The following DDX19B variants were observed in gnomAD, a reference collection of about 807,000 sequenced individuals.
DDX19B encodes ATP-dependent RNA helicase DDX19B.
DDX19B carries 27 observed loss-of-function variants against 58.1 expected under a neutral mutation model. That is an observed-to-expected ratio of 0.46 (90% CI 0.34 to 0.64). The LOEUF is 0.64. Among genes scored for constraint, DDX19B ranks in the 30% least tolerant of loss-of-function variants. The pLI is 0.01. For missense variants in DDX19B, 399 were observed against 596.5 expected (o/e 0.67, Z 3.45); for synonymous variants, 187 against 214.4 (o/e 0.87, Z 1.12).
At chr16:70,321,241 C>T (rs887139424) in intron 5 of DDX19B, among the ~76,000 whole-genome samples, 81 of 152,242 alleles carry the variant, frequency 5.3e-4, no homozygotes, top group African/African-American at 1.8e-3. Flanking sequence ...GGATCACAGG[C>T]GTGAGCCACT....
In DDX19B at chr16:70,333,608, G is replaced by A; in HGVS notation, c.*26G>A. The A allele has an allele frequency of 6.2e-7, 1 of 1,614,010 alleles. No individual in the cohort carries two copies. Among genetic ancestry groups the A allele is most frequent in the Non-Finnish European group, 8.5e-7 (1 of 1,179,844 alleles). On this transcript the variant is annotated 3_prime_UTR_variant, in exon 12 of 12. Transcript: ENST00000288071. ...GAAGCTCCACCAGCCACTGATGCCA[G>A]CCCTGGCACTGCCCCTGCACAGGAG...
In DDX19B at chr16:70,306,558, T is replaced by C. The variant is rs189425656; in HGVS notation, c.58-6051T>C. On this transcript the variant is annotated intron_variant, in intron 1 of 11. Coordinates refer to ENST00000288071, the MANE Select transcript of DDX19B (RefSeq NM_007242.7). ...TTCTTTTTGGCTTGAGTTTGCATCATAGAGTTATCTTTTGGATAGAACAGA... is the reference window on the plus strand; with the variant it reads ...TTCTTTTTGGCTTGAGTTTGCATCACAGAGTTATCTTTTGGATAGAACAGA... Among the ~76,000 whole-genome samples, 14 of 152,326 alleles carry C rather than the reference T, an allele frequency of 9.2e-5. No homozygotes were observed. In the East Asian group the frequency reaches 2.7e-3, roughly 29 times the overall value.
chr16:70,290,509 G>A (rs903709986), upstream of DDX19B, among the ~76,000 whole-genome samples: 1 of 151,876 alleles, frequency 6.6e-6, no homozygotes, highest in Non-Finnish European at 1.5e-5. Flanking sequence ...CCTGGCTACG[G>A]AGCAAGACTC....
intron 1 of DDX19B, among the ~76,000 whole-genome samples, chr16:70,311,519 G>A (rs1035268515): frequency 2.0e-5 from 3 of 152,198 alleles, no homozygotes; most frequent in African/African-American, 7.2e-5. Context: ...AGTAGAAAAC[G>A]AAATAGGCCC....
rs184068621 is a variant in DDX19B, at chr16:70,299,396, T to C, written c.57+42T>C. The C allele has an allele frequency of 5.3e-5, 82 of 1,556,966 alleles. No individual in the cohort carries two copies. The East Asian group carries it at 1.4e-3, about 26-fold the overall frequency. Reference sequence around the variant, plus strand: ...CCTAAAAGGGTCAGGGGACTAGTTCTGGTCGGAGACTTGGTCCCTGGGAAA... The same window carrying C: ...CCTAAAAGGGTCAGGGGACTAGTTCCGGTCGGAGACTTGGTCCCTGGGAAA... On this transcript the variant is annotated intron_variant, in intron 1 of 11. Coordinates refer to ENST00000288071, the MANE Select transcript of DDX19B (RefSeq NM_007242.7).
intron 1 of DDX19B, among the ~76,000 whole-genome samples, chr16:70,303,457 T>A (rs1567623117): frequency 6.6e-6 from 1 of 152,108 alleles, no homozygotes; most frequent in Non-Finnish European, 1.5e-5. Flanking sequence ...ATCGGATATG[T>A]TTTGCATATA....
chr16:70,294,948 C>T, upstream of DDX19B: 2 of 1,477,068 alleles, frequency 1.4e-6, no homozygotes, highest in South Asian at 1.3e-5. Flanking sequence ...AAGCCAGACC[C>T]TTTCCTCCCA....
upstream of DDX19B, among the ~76,000 whole-genome samples, chr16:70,291,064 AC>A (rs1272890324): frequency 6.6e-6 from 1 of 152,244 alleles, no homozygotes; most frequent in Non-Finnish European, 1.5e-5. Context: ...GCCAGTAAAA[AC>A]ATAAATCATT....
At position 70,334,765 on chromosome 16, in the gene DDX19B, TAGTC is replaced by T. The variant is rs1406492210; in HGVS notation, c.*1186_*1189del. On this transcript the variant is annotated 3_prime_UTR_variant, in exon 12 of 12. Coordinates refer to ENST00000288071, the MANE Select transcript of DDX19B (RefSeq NM_007242.7). Reference sequence around the variant, plus strand: ...CCTTACTTGGCATCTTTGCGCAAGATAGTCAGAGCAAACAATAGTAATGGACACT... The same window carrying T: ...CCTTACTTGGCATCTTTGCGCAAGATAGAGCAAACAATAGTAATGGACACT... 1.3e-5 allele frequency: 2 copies of T among 152,360 alleles called. No homozygotes were observed. The highest frequency in any genetic ancestry group is 2.1e-4 in the South Asian group (1 of 4,828). The allele number at this position is 152,360 out of a possible 1,614,324, so 9.4% of individuals were successfully genotyped here. A position where few individuals can be genotyped will look rare whatever the true frequency, so the allele number is the denominator to read the frequency against.
At chr16:70,308,923 A>G (rs966040106) in intron 1 of DDX19B, among the ~76,000 whole-genome samples, 2 of 151,974 alleles carry the variant, frequency 1.3e-5, no homozygotes, top group African/African-American at 4.8e-5. Flanking sequence ...TCACCTAAGT[A>G]TTAAGCCCCA....
intron 1 of DDX19B, among the ~76,000 whole-genome samples, chr16:70,307,465 C>T (rs867928414): frequency 2.2e-4 from 34 of 151,302 alleles, no homozygotes; most frequent in African/African-American, 8.0e-4. Context: ...CGGGTTTAAG[C>T]GATTCTCATG....
At chr16:70,312,358 C>T (rs919786916) in intron 1 of DDX19B, among the ~76,000 whole-genome samples, 14 of 152,154 alleles carry the variant, frequency 9.2e-5, no homozygotes, top group Admixed American at 5.9e-4. Flanking sequence ...TCACAAATTA[C>T]AATTCTCTCA....
At chr16:70,317,300 G>T in intron 4 of DDX19B, 196 bp from the exon 5 acceptor site, 4 of 337,882 alleles carry the variant, frequency 1.2e-5, no homozygotes, top group Non-Finnish European at 2.2e-5. Context: ...AGAATTGCTT[G>T]AACCCGGAAG....
At chr16:70,321,673 A>C (rs1962824527) in intron 5 of DDX19B, among the ~76,000 whole-genome samples, 1 of 152,224 alleles carries the variant, frequency 6.6e-6, no homozygotes, top group Non-Finnish European at 1.5e-5. Context: ...CATTAATGCC[A>C]CTGAATAGTA....
At chr16:70,296,290 C>T (rs1352160685), upstream of DDX19B, among the ~76,000 whole-genome samples, 2 of 151,028 alleles carry the variant, frequency 1.3e-5, no homozygotes, top group East Asian at 1.9e-4. Flanking sequence ...CGTGAGCCAC[C>T]GCACCTGGCC....
intron 5 of DDX19B, among the ~76,000 whole-genome samples, chr16:70,322,846 C>G (rs551769414): frequency 6.8e-6 from 1 of 146,616 alleles, no homozygotes; most frequent in Non-Finnish European, 1.5e-5. Context: ...GAGCTCAGAT[C>G]GCGCCTTTGC....
chr16:70,292,772 C>T (rs1459283399), upstream of DDX19B, among the ~76,000 whole-genome samples: 4 of 152,150 alleles, frequency 2.6e-5, no homozygotes, highest in African/African-American at 9.7e-5. Context: ...AATAGTACAA[C>T]AGCTGTGATT....
At chr16:70,307,703 ATG>A (rs147276648) in intron 1 of DDX19B, among the ~76,000 whole-genome samples, 3 of 149,466 alleles carry the variant, frequency 2.0e-5, no homozygotes, top group Admixed American at 1.3e-4. Context: ...GTATGTATAT[ATG>A]TGTGTGTGTG....
chr16:70,330,565 G>A (rs1007138093), intron 9 of DDX19B, among the ~76,000 whole-genome samples: 21 of 152,064 alleles, frequency 1.4e-4, no homozygotes, highest in African/African-American at 4.8e-4. Flanking sequence ...TCCAGCCTGG[G>A]TAACAAGAGC....
Sources: gnomAD v4.1 joint callset for allele counts (sites outside exome capture counted in the v4.1 genomes callset) on GRCh38, gnomAD v4.1.1 for gene constraint, MANE v1.5 for transcripts, NCBI Gene and HGNC (gene_info 2026-07-23, HGNC 2026-07-21) for gene names.